The following KPNA3 variants were observed in gnomAD, a reference collection of about 807,000 sequenced individuals.
The protein encoded by KPNA3 is karyopherin subunit alpha 3, also known as importin subunit alpha-4.
Under a neutral mutation model 73.8 loss-of-function variants are expected in KPNA3, and 13 were observed. The observed-to-expected ratio is 0.18, with a 90% CI of 0.11 to 0.28. KPNA3 has a LOEUF of 0.28. KPNA3 is among the 10% of genes least tolerant of loss of function. The probability of loss-of-function intolerance (pLI) is 1.00; values close to 1 mark genes in which losing one functional copy is unlikely to be tolerated. For missense variants in KPNA3, 360 were observed against 618.1 expected, an observed-to-expected ratio of 0.58 and a Z score of 4.43; for synonymous variants, 186 against 206.9, an observed-to-expected ratio of 0.90 and a Z score of 0.87.
intron 1 of KPNA3, among the ~76,000 whole-genome samples, chr13:49,773,648 G>C (rs1305779708): frequency 6.6e-6 from 1 of 152,050 alleles, no homozygotes; most frequent in East Asian, 1.9e-4. Context: ...TTAATGTTTT[G>C]TCCATTTTAT....
At chr13:49,713,907 T>C (rs1594432001) in intron 10 of KPNA3, among the ~76,000 whole-genome samples, 1 of 152,162 alleles carries the variant, frequency 6.6e-6, no homozygotes, top group Non-Finnish European at 1.5e-5. Flanking sequence ...TTTCACCATG[T>C]TGGCCAGGCT....
chr13:49,771,896 C>T (rs1397371783), intron 1 of KPNA3, among the ~76,000 whole-genome samples: 1 of 152,116 alleles, frequency 6.6e-6, no homozygotes, highest in South Asian at 2.1e-4. Context: ...GCTCAGGCAA[C>T]CCACCTGTCT....
chr13:49,712,942 A>C (rs889823083), intron 10 of KPNA3, among the ~76,000 whole-genome samples: 5 of 151,832 alleles, frequency 3.3e-5, no homozygotes, highest in Admixed American at 2.6e-4. Flanking sequence ...CAATCTATCA[A>C]CCTATGTGAA....
chr13:49,775,131 T>G (rs895806477), intron 1 of KPNA3, among the ~76,000 whole-genome samples: 7 of 124,004 alleles, frequency 5.6e-5, no homozygotes, highest in Admixed American at 2.0e-4. Context: ...CCAGAGTGAG[T>G]GCACTCAGAC....
chr13:49,724,148 G>A (rs560573615), intron 7 of KPNA3, among the ~76,000 whole-genome samples: 1 of 152,140 alleles, frequency 6.6e-6, no homozygotes, highest in East Asian at 1.9e-4. Context: ...GTATTCCATT[G>A]TATACACCAC....
intron 1 of KPNA3, among the ~76,000 whole-genome samples, chr13:49,770,833 C>CT (rs1351762618): frequency 2.7e-4 from 37 of 135,570 alleles, no homozygotes; most frequent in African/African-American, 1.0e-3. Context: ...TACCCACCTA[C>CT]CAAAAAAAAA....
chr13:49,762,010 C>T (rs946318961), intron 1 of KPNA3, among the ~76,000 whole-genome samples: 1 of 152,102 alleles, frequency 6.6e-6, no homozygotes, highest in South Asian at 2.1e-4. Flanking sequence ...CAGCAGCCGC[C>T]CCGTCTGTGA....
intron 1 of KPNA3, among the ~76,000 whole-genome samples, chr13:49,788,657 G>T (rs1955004377): frequency 6.6e-6 from 1 of 151,102 alleles, no homozygotes; most frequent in South Asian, 2.1e-4. Flanking sequence ...AGGAGGCGAA[G>T]GTTATAGTGA....
chr13:49,723,436 G>C (rs1444489968), intron 7 of KPNA3, among the ~76,000 whole-genome samples: 2 of 152,048 alleles, frequency 1.3e-5, no homozygotes, highest in East Asian at 1.9e-4. Flanking sequence ...CGGGCGTGGT[G>C]GTGGGCGCCT....
intron 7 of KPNA3, 61 bp from the exon 8 acceptor site, chr13:49,722,624 G>T: frequency 3.7e-6 from 4 of 1,071,244 alleles, no homozygotes; most frequent in South Asian, 3.0e-5. Flanking sequence ...ACAGATTTCA[G>T]ATCAAAGAAA....
At chr13:49,781,280 T>C (rs1380278350) in intron 1 of KPNA3, among the ~76,000 whole-genome samples, 1 of 152,170 alleles carries the variant, frequency 6.6e-6, no homozygotes, top group Non-Finnish European at 1.5e-5. Context: ...ATACATTCCT[T>C]GAGCAGGAAC....
intron 1 of KPNA3, among the ~76,000 whole-genome samples, chr13:49,775,181 A>G (rs562749406): frequency 2.8e-4 from 35 of 125,044 alleles, no homozygotes; most frequent in African/African-American, 1.0e-3. Context: ...AAAAAAAAAA[A>G]AAAAAGAAAA....
chr13:49,734,954 T>TAGAGAGAGAGAGAGAGAGAGAGAG (rs10675449), intron 2 of KPNA3, among the ~76,000 whole-genome samples: 45 of 145,900 alleles, frequency 3.1e-4, no homozygotes, highest in African/African-American at 1.1e-3. Flanking sequence ...GAGAGATAGA[T>TAGAGAGAGAGAGAGAGAGAGAGAG]AGAGAGAGAG....
rs1954366607 is a variant in KPNA3, at chr13:49,722,226, C to T, written c.557-102G>A. 2.5e-5 allele frequency: 21 copies of T among 838,598 alleles called. No homozygotes were observed. The South Asian group carries it at 4.3e-4, about 17-fold the overall frequency. The allele number at this position is 838,598 out of a possible 1,614,324, so 51.9% of individuals were successfully genotyped here. On this transcript the variant is annotated intron_variant, in intron 8 of 16. Transcript: ENST00000261667. ...GTGGGAACACTGACGTTCTATGTTTCCTCACCATTAGTCAAAGGCATCAAG... is the reference window on the plus strand; with the variant it reads ...GTGGGAACACTGACGTTCTATGTTTTCTCACCATTAGTCAAAGGCATCAAG...
chr13:49,770,179 CTT>C (rs35910811), intron 1 of KPNA3, among the ~76,000 whole-genome samples: 1 of 83,838 alleles, frequency 1.2e-5, no homozygotes, highest in Non-Finnish European at 2.2e-5. Flanking sequence ...TTGTGGGCTG[CTT>C]TTTTTTTTTT....
intron 6 of KPNA3, among the ~76,000 whole-genome samples, chr13:49,726,408 G>A (rs532417681): frequency 2.2e-4 from 33 of 152,286 alleles, no homozygotes; most frequent in African/African-American, 7.7e-4. Context: ...AAATAAAACA[G>A]GTATCATGCA....
At chr13:49,719,359 CT>C (rs1482078412) in intron 10 of KPNA3, among the ~76,000 whole-genome samples, 1 of 152,132 alleles carries the variant, frequency 6.6e-6, no homozygotes, top group African/African-American at 2.4e-5. Context: ...AGCTCTTCCA[CT>C]TTAGATAAGT....
intron 1 of KPNA3, among the ~76,000 whole-genome samples, chr13:49,750,080 C>T (rs1055556001): frequency 2.6e-5 from 4 of 152,092 alleles, no homozygotes; most frequent in African/African-American, 9.7e-5. Flanking sequence ...AGTCATTCAC[C>T]CATTCAACAA....
intron 9 of KPNA3, among the ~76,000 whole-genome samples, chr13:49,720,403 C>T (rs936187159): frequency 1.3e-5 from 2 of 152,120 alleles, no homozygotes; most frequent in African/African-American, 4.8e-5. Context: ...GGAAATCACA[C>T]AAAATACCTT....
Sources: gnomAD v4.1 joint callset for allele counts (sites outside exome capture counted in the v4.1 genomes callset) on GRCh38, gnomAD v4.1.1 for gene constraint, MANE v1.5 for transcripts, NCBI Gene and HGNC (gene_info 2026-07-23, HGNC 2026-07-21) for gene names.